FZD6: variants seen among roughly 807,000 people sequenced by gnomAD.
The protein encoded by FZD6 is frizzled-6.
FZD6 carries 49 observed loss-of-function variants against 61.4 expected under a neutral mutation model. The observed-to-expected ratio is 0.80, with a 90% confidence interval of 0.63 to 1.01. The LOEUF (loss-of-function observed/expected upper bound fraction) is 1.01. Among genes scored for constraint, FZD6 ranks in the 50% least tolerant of loss-of-function variants. The pLI is 0.00. For synonymous variants in FZD6, 265 were observed against 292.2 expected (o/e 0.91, Z 0.95); for missense variants, 724 against 848.2 (o/e 0.85, Z 1.82).
intron 2 of FZD6, among the ~76,000 whole-genome samples, chr8:103,313,767 TG>T (rs1363913078): frequency 2.8e-5 from 2 of 70,604 alleles, no homozygotes; most frequent in Non-Finnish European, 5.3e-5. Flanking sequence ...TTTCTGTGTG[TG>T]TGTGTGTGTG....
At chr8:103,320,410 G>A (rs1489474397) in intron 3 of FZD6, among the ~76,000 whole-genome samples, 5 of 152,134 alleles carry the variant, frequency 3.3e-5, no homozygotes, top group African/African-American at 7.2e-5. Flanking sequence ...GTGCTCATCT[G>A]TGGTTGGGGT....
chr8:103,317,232 G>A (rs376691308), intron 2 of FZD6, among the ~76,000 whole-genome samples: 9 of 152,328 alleles, frequency 5.9e-5, no homozygotes, highest in African/African-American at 2.2e-4. Flanking sequence ...ATAAGAAGTA[G>A]AAGTCCAGTT....
rs1310383000 is a variant in FZD6 at position 103,332,308 on chromosome 8, A to G, written c.*799A>G. On this transcript the variant is annotated 3_prime_UTR_variant, in exon 7 of 7. Coordinates refer to ENST00000358755, the MANE Select transcript of FZD6 (RefSeq NM_003506.4). ...TAGACAAAATGTTAGTCTTTTGTAT[A>G]TTAGGCCAAGTGCAATTGACTTCCC... 1 of 152,212 alleles carries G rather than the reference A, an allele frequency of 6.6e-6. No individual in the cohort carries two copies. The highest frequency in any genetic ancestry group is 2.4e-5 in the African/African-American group (1 of 41,476). The allele number at this position is 152,212 out of a possible 1,614,324, so 9.4% of individuals were successfully genotyped here. A position where few individuals can be genotyped will look rare whatever the true frequency, so the allele number is the denominator to read the frequency against.
chr8:103,318,847 G>C (rs935839437), intron 3 of FZD6, 61 bp downstream of exon 3: 6 of 921,760 alleles, frequency 6.5e-6, no homozygotes, highest in Admixed American at 1.7e-5. Flanking sequence ...CTAGCTCTCT[G>C]GGATGTTAGT....
At chr8:103,327,055 G>A (rs1472969657) in intron 4 of FZD6, among the ~76,000 whole-genome samples, 1 of 152,342 alleles carries the variant, frequency 6.6e-6, no homozygotes, top group East Asian at 1.9e-4. Context: ...TTGCTATTAA[G>A]AGTTAGTTCA....
At position 103,329,655 on chromosome 8, in the gene FZD6, T is replaced by G; in HGVS notation, c.1542T>G (p.Asp514Glu). The G allele has an allele frequency of 6.2e-7, 1 of 1,600,554 alleles. No individual in the cohort carries two copies. Among genetic ancestry groups the G allele is most frequent in the Non-Finnish European group, 8.6e-7 (1 of 1,167,920 alleles). ...ATCCTCTCCTTCAATTTTCTTATAG[T>G]CCAATCAGTGAAAGTCGAAGAGTAC... ...AGFFKRNRKR[D>E]PISESRRVLQ... The change falls in exon 6 of 7, where the codon GAT (aspartate) becomes GAG (glutamate). Residue 514 changes from aspartate (D) to glutamate (E), a missense_variant and splice_region_variant. By Grantham distance (45) the Asp-to-Glu change is conservative. Coordinates refer to ENST00000358755, the MANE Select transcript of FZD6 (RefSeq NM_003506.4).
At chr8:103,324,362 A>G (rs1158628623) in intron 3 of FZD6, 119 bp from the exon 4 acceptor site, 1 of 629,612 alleles carries the variant, frequency 1.6e-6, no homozygotes, top group Non-Finnish European at 2.7e-6. Flanking sequence ...TTAGATTTGT[A>G]TCTCTTCCCA....
rs3133826 is a variant in FZD6 at position 103,316,922 on chromosome 8, G to A, written c.178-1668G>A. The stretch of plus-strand genomic sequence containing the variant: ...CACTGCTTTAGGCACTGGAGATAGA[G>A]CAGTGAACAGAATAGACAAAATCCT... On this transcript the variant is annotated intron_variant, in intron 2 of 6. Coordinates refer to ENST00000358755, the MANE Select transcript of FZD6 (RefSeq NM_003506.4). 9.2e-4 allele frequency among the ~76,000 whole-genome samples: 140 copies of A among 152,322 alleles called. No homozygotes were observed. In the East Asian group the frequency reaches 0.021, roughly 23 times the overall value.
At chr8:103,320,591 G>GT (rs56950218) in intron 3 of FZD6, among the ~76,000 whole-genome samples, 19 of 150,866 alleles carry the variant, frequency 1.3e-4, no homozygotes, top group Middle Eastern at 3.4e-3. Context: ...TCCCAATGAG[G>GT]TTTTTTTTTT....
At chr8:103,312,392 A>T (rs996070853) in intron 2 of FZD6, among the ~76,000 whole-genome samples, 3 of 152,228 alleles carry the variant, frequency 2.0e-5, no homozygotes, top group African/African-American at 4.8e-5. Context: ...GAGTTGAAGA[A>T]GGTGGTGTCA....
At chr8:103,300,402 G>A (rs2130255856) in intron 2 of FZD6, 118 bp downstream of exon 2, 4 of 807,598 alleles carry the variant, frequency 5.0e-6, no homozygotes, top group Non-Finnish European at 8.6e-6. Flanking sequence ...TACAAGTTGT[G>A]TTTTGAAAAG....
At chr8:103,312,130 C>T (rs1360061955) in intron 2 of FZD6, among the ~76,000 whole-genome samples, 2 of 152,196 alleles carry the variant, frequency 1.3e-5, no homozygotes, top group Non-Finnish European at 2.9e-5. Flanking sequence ...CACTTGCCCT[C>T]TTCTTTCTCA....
chr8:103,318,943 A>G (rs1369399098), intron 3 of FZD6, among the ~76,000 whole-genome samples, 157 bp downstream of exon 3: 1 of 152,248 alleles, frequency 6.6e-6, no homozygotes, highest in African/African-American at 2.4e-5. Context: ...CTGTGGACAC[A>G]AAGGTGGGCA....
intron 6 of FZD6, among the ~76,000 whole-genome samples, chr8:103,331,066 A>C (rs1815110707): frequency 6.6e-6 from 1 of 152,038 alleles, no homozygotes; most frequent in Non-Finnish European, 1.5e-5. Flanking sequence ...AGTCCCAGCT[A>C]CTCGGGAGGC....
chr8:103,308,696 T>C (rs76989966), intron 2 of FZD6, among the ~76,000 whole-genome samples: 3,673 of 152,304 alleles, frequency 0.024, 114 homozygotes, highest in African/African-American at 0.072. Flanking sequence ...TATGCTACTT[T>C]CCCGTATCTT....
intron 2 of FZD6, among the ~76,000 whole-genome samples, chr8:103,301,849 A>T (rs1204447317): frequency 2.0e-5 from 3 of 151,898 alleles, no homozygotes; most frequent in East Asian, 1.9e-4. Flanking sequence ...TTAAAACCAA[A>T]TTTTTTTTAC....
chr8:103,309,144 A>G (rs1214024753), intron 2 of FZD6, among the ~76,000 whole-genome samples: 1 of 152,186 alleles, frequency 6.6e-6, no homozygotes, highest in Admixed American at 6.5e-5. Context: ...TCCATCCCTG[A>G]GTTCCTGAAT....
chr8:103,312,796 T>C (rs140861625), intron 2 of FZD6, among the ~76,000 whole-genome samples: 122 of 152,376 alleles, frequency 8.0e-4, no homozygotes, highest in South Asian at 3.5e-3. Flanking sequence ...TATGATGGAA[T>C]ACTTGCTCTT....
At chr8:103,313,217 C>T (rs1333625442) in intron 2 of FZD6, among the ~76,000 whole-genome samples, 2 of 152,200 alleles carry the variant, frequency 1.3e-5, no homozygotes, top group Admixed American at 6.5e-5. Flanking sequence ...TGAAAAAGCA[C>T]AGTGCCTGGT....
Sources: allele counts gnomAD v4.1 joint callset (sites outside exome capture counted in the v4.1 genomes callset), GRCh38; gene constraint gnomAD v4.1.1; transcripts MANE v1.5; gene names NCBI Gene and HGNC (gene_info 2026-07-23, HGNC 2026-07-21).